Variants in AOPEP observed in about 807,000 individuals in gnomAD.
AOPEP encodes the protein aminopeptidase O.
A neutral mutation model predicts 98.1 loss-of-function variants in AOPEP; 77 were observed. That is an observed-to-expected ratio of 0.78 (90% CI 0.65 to 0.95). AOPEP has a LOEUF of 0.95. Ranked by LOEUF, AOPEP falls within the 40% of genes least tolerant of loss-of-function variation. The probability of loss-of-function intolerance (pLI) is 0.00; values close to 1 mark genes in which losing one functional copy is unlikely to be tolerated. For synonymous variants in AOPEP, 346 were observed against 365.3 expected, an observed-to-expected ratio of 0.95 and a Z score of 0.60; for missense variants, 1,024 against 1,024.7, an observed-to-expected ratio of 1.00 and a Z score of 0.01.
At chr9:95,058,039 T>C (rs1382300735) in intron 13 of AOPEP, among the ~76,000 whole-genome samples, 2 of 152,238 alleles carry the variant, frequency 1.3e-5, no homozygotes, top group African/African-American at 4.8e-5. Context: ...ATTTTCATTG[T>C]GTAAAATTTG....
intron 5 of AOPEP, among the ~76,000 whole-genome samples, chr9:94,805,897 G>T (rs1849170835): frequency 1.3e-5 from 2 of 152,150 alleles, no homozygotes. Flanking sequence ...AGGGCCTGTT[G>T]TTTTCAGCTT....
intron 9 of AOPEP, among the ~76,000 whole-genome samples, chr9:94,960,839 C>A (rs1265099321): frequency 6.6e-6 from 1 of 151,902 alleles, no homozygotes; most frequent in Non-Finnish European, 1.5e-5. Context: ...GGTGAAACCC[C>A]GTCTCTACTA....
At chr9:95,133,224 G>A in the AOPEP span, among the ~76,000 whole-genome samples, 1 of 152,244 alleles carries the variant, frequency 6.6e-6, no homozygotes, top group African/African-American at 2.4e-5. Flanking sequence ...GGCACTGCAG[G>A]CCCAGGATGC....
In AOPEP at chr9:94,760,122, T is replaced by C. The variant is rs750167553; in HGVS notation, c.339T>C (p.Asp113=). 5.6e-6 allele frequency: 9 copies of C among 1,614,080 alleles called. No individual in the cohort carries two copies. Among genetic ancestry groups the C allele is most frequent in the South Asian group, 1.1e-5 (1 of 91,090 alleles). ...GTGAAAAAGATACTTCTGATAAAGA[T>C]GGTAACCATGACAACCAGGAACATG... ...SKGEKDTSDK[D]GNHDNQEHAS... Residue 113 remains aspartate, a synonymous_variant, in exon 2 of 17, where the codon GAT becomes GAC. Coordinates refer to ENST00000375315, the MANE Select transcript of AOPEP (RefSeq NM_001193329.3).
chr9:94,977,668 G>T (rs947917592), intron 10 of AOPEP, among the ~76,000 whole-genome samples: 1 of 152,114 alleles, frequency 6.6e-6, no homozygotes, highest in Non-Finnish European at 1.5e-5. Context: ...GCTTACAGGG[G>T]GACTTGGCCA....
chr9:95,135,137 T>TA, the AOPEP span, among the ~76,000 whole-genome samples: 1 of 152,214 alleles, frequency 6.6e-6, no homozygotes, highest in African/African-American at 2.4e-5. Flanking sequence ...ATCAATCAAG[T>TA]AAACCTCAGA....
chr9:95,022,280 A>G (rs1266329567), intron 13 of AOPEP: 2 of 152,214 alleles, frequency 1.3e-5, no homozygotes, highest in Non-Finnish European at 2.9e-5. Flanking sequence ...AAGTGCCTCT[A>G]TGGTATTCTT....
At chr9:95,082,366 C>A (rs1379886893) in intron 15 of AOPEP, among the ~76,000 whole-genome samples, 4 of 152,120 alleles carry the variant, frequency 2.6e-5, no homozygotes, top group African/African-American at 9.7e-5. Flanking sequence ...GCTGAGGATT[C>A]CTTGGGGTTT....
chr9:94,927,619 C>T (rs1349779342), intron 6 of AOPEP, among the ~76,000 whole-genome samples: 2 of 152,198 alleles, frequency 1.3e-5, no homozygotes, highest in African/African-American at 4.8e-5. Context: ...CATCTGGGTT[C>T]TCCCTTCACC....
At chr9:95,098,602 C>T in the AOPEP span, among the ~76,000 whole-genome samples, 1 of 152,308 alleles carries the variant, frequency 6.6e-6, no homozygotes, top group African/African-American at 2.4e-5. Flanking sequence ...CACGGCGCTG[C>T]TCGCCTTGGC....
At chr9:95,005,251 C>A in intron 12 of AOPEP, 31 bp downstream of exon 12, 1 of 1,064,360 alleles carries the variant, frequency 9.4e-7, no homozygotes, top group Non-Finnish European at 1.1e-6. Context: ...CCCTGCGCCC[C>A]GGTGGCGCCG....
Position 95,087,066 on chromosome 9 carries a change from GCTCCT to G in AOPEP, c.*392_*396del. ...TTCTATAATTCCAGAAAGTCACACAGCTCCTCTGTATGAGACCAGTGGGCGCCATT... is the reference window on the plus strand; with the variant it reads ...TTCTATAATTCCAGAAAGTCACACAGCTGTATGAGACCAGTGGGCGCCATT... On this transcript the variant is annotated 3_prime_UTR_variant, in exon 17 of 17. Transcript: ENST00000375315. 2.2e-6 allele frequency: 1 copy of G among 455,062 alleles called. No homozygotes were observed. The highest frequency in any genetic ancestry group is 2.9e-6 in the Non-Finnish European group (1 of 345,204). 28.2% of individuals were successfully genotyped at this position (455,062 alleles called of 1,614,324 possible).
rs1414370109 is a variant in AOPEP, at chr9:94,919,409, T to G, written c.1365-4577T>G. Among the ~76,000 whole-genome samples, 4 of 152,088 alleles carry G rather than the reference T, an allele frequency of 2.6e-5. No individual in the cohort carries two copies. In the East Asian group the frequency reaches 7.7e-4, roughly 29 times the overall value. ...GGTGCCAGATGAGGAAAGCGGAAGA[T>G]GCTGATTCCCTCCCACGCAGTCTCA... On this transcript the variant is annotated intron_variant, in intron 5 of 16. Transcript: ENST00000375315.
Position 94,837,870 on chromosome 9 carries a change from T to C in AOPEP, c.1364+36868T>C, listed in dbSNP as rs569630432. On this transcript the variant is annotated intron_variant, in intron 5 of 16. Transcript: ENST00000375315. ...TGAAATAAGATAAGGATGCCCACTC[T>C]CACCACTTCTATTCAGCATAGTACT... 2.4e-4 allele frequency among the ~76,000 whole-genome samples: 37 copies of C among 152,312 alleles called. No homozygotes were observed. The South Asian group carries it at 7.7e-3, about 32-fold the overall frequency.
intron 5 of AOPEP, among the ~76,000 whole-genome samples, chr9:94,835,820 T>C (rs1396109031): frequency 6.6e-6 from 1 of 152,236 alleles, no homozygotes; most frequent in African/African-American, 2.4e-5. Context: ...CTGTTCCCAG[T>C]GTCTCTTCCA....
At chr9:94,919,659 A>G (rs559447731) in intron 5 of AOPEP, among the ~76,000 whole-genome samples, 1 of 152,164 alleles carries the variant, frequency 6.6e-6, no homozygotes, top group African/African-American at 2.4e-5. Flanking sequence ...AAGACAGGCT[A>G]TGAACCTAAG....
intron 5 of AOPEP, among the ~76,000 whole-genome samples, chr9:94,817,298 C>A (rs185198611): frequency 6.6e-6 from 1 of 152,350 alleles, no homozygotes; most frequent in African/African-American, 2.4e-5. Flanking sequence ...AACCACCACA[C>A]CTGGCCCTTG....
chr9:94,739,261 C>T (rs1389630974), intron 1 of AOPEP, among the ~76,000 whole-genome samples: 3 of 152,156 alleles, frequency 2.0e-5, no homozygotes, highest in South Asian at 2.1e-4. Context: ...TGTCTTCAGA[C>T]CCTTTTGGGG....
intron 5 of AOPEP, among the ~76,000 whole-genome samples, chr9:94,848,651 A>C (rs537464866): frequency 1.3e-5 from 2 of 151,786 alleles, no homozygotes; most frequent in East Asian, 3.9e-4. Flanking sequence ...CAAACCAAAA[A>C]CAAAAAAACA....
Sources: allele counts gnomAD v4.1 joint callset (sites outside exome capture counted in the v4.1 genomes callset), GRCh38; gene constraint gnomAD v4.1.1; transcripts MANE v1.5; gene names NCBI Gene and HGNC (gene_info 2026-07-23, HGNC 2026-07-21).